The following MTA1 variants were observed in gnomAD, a reference collection of about 807,000 sequenced individuals.
MTA1 encodes the protein metastasis-associated protein MTA1.
In MTA1, 15 loss-of-function variants were observed where a neutral mutation model predicts 97.0. The observed-to-expected ratio is 0.15, with a 90% CI of 0.10 to 0.24. The LOEUF (loss-of-function observed/expected upper bound fraction) is 0.24. Among genes scored for constraint, MTA1 ranks in the 10% least tolerant of loss-of-function variants. The pLI is 1.00. For missense variants in MTA1, 709 were observed against 1,015.1 expected (o/e 0.70, Z 4.10); for synonymous variants, 435 against 417.5 (o/e 1.04, Z -0.51).
chr14:105,470,233 GGCCGCCCCCCGCCCCTC>G lies in MTA1; in HGVS notation c.*22_*38del, dbSNP rs1567053861. 6.6e-7 allele frequency: 1 copy of G among 1,510,040 alleles called. No individual in the cohort carries two copies. The highest frequency in any genetic ancestry group is 2.1e-5 in the Admixed American group (1 of 47,058). 93.5% of individuals were successfully genotyped at this position (1,510,040 alleles called of 1,614,324 possible). On this transcript the variant is annotated 3_prime_UTR_variant, in exon 21 of 21. Coordinates refer to ENST00000331320, the MANE Select transcript of MTA1 (RefSeq NM_004689.4). The stretch of plus-strand genomic sequence containing the variant: ...AGGACTAGGGGCCGCCCCCACCTGC[GGCCGCCCCCCGCCCCTC>G]GCCCGCCCACACGGCCCCTTCCCAG...
At chr14:105,453,575 C>T (rs376230782) in intron 6 of MTA1, among the ~76,000 whole-genome samples, 43 of 152,154 alleles carry the variant, frequency 2.8e-4, no homozygotes, top group African/African-American at 9.2e-4. Flanking sequence ...TTTGGGAGGC[C>T]GAGGCGGGTG....
chr14:105,428,178 C>T (rs1204058193), intron 1 of MTA1, among the ~76,000 whole-genome samples: 1 of 152,100 alleles, frequency 6.6e-6, no homozygotes, highest in African/African-American at 2.4e-5. Context: ...GTAGTCAGCC[C>T]CCTCTTCTCC....
At chr14:105,461,901 G>A (rs1038682400) in intron 10 of MTA1, among the ~76,000 whole-genome samples, 5 of 152,206 alleles carry the variant, frequency 3.3e-5, no homozygotes, top group Admixed American at 6.5e-5. Context: ...ATCTCTCCAG[G>A]CTTAAAAACA....
intron 1 of MTA1, among the ~76,000 whole-genome samples, chr14:105,421,607 G>GC: frequency 6.6e-6 from 1 of 152,316 alleles, no homozygotes. Flanking sequence ...CGGCCTTCAG[G>GC]CCTGCCTGCC....
chr14:105,467,640 T>C, intron 18 of MTA1: 1 of 373,028 alleles, frequency 2.7e-6, no homozygotes, highest in Non-Finnish European at 5.4e-6. Flanking sequence ...CCCTTGGCGG[T>C]GTCTGTGTCT....
Position 105,420,936 on chromosome 14 carries a change from C to A in MTA1, c.28+873C>A, listed in dbSNP as rs1396185730. 2.0e-5 allele frequency among the ~76,000 whole-genome samples: 3 copies of A among 152,208 alleles called. No individual in the cohort carries two copies. The highest frequency in any genetic ancestry group is 4.4e-5 in the Non-Finnish European group (3 of 68,014). ...CCTGTGACCCTCTCGGGCAGGTGCTCATTACCTTTCCCACCTGCAGCCTGC... is the reference window on the plus strand; with the variant it reads ...CCTGTGACCCTCTCGGGCAGGTGCTAATTACCTTTCCCACCTGCAGCCTGC... On this transcript the variant is annotated intron_variant, in intron 1 of 20. Coordinates refer to ENST00000331320, the MANE Select transcript of MTA1 (RefSeq NM_004689.4). The surrounding 1 kb of genome is among the most constrained non-coding windows in gnomAD (Gnocchi z 5.3).
chr14:105,468,354 G>A (rs1555433417), intron 18 of MTA1: 2 of 1,304,232 alleles, frequency 1.5e-6, no homozygotes, highest in East Asian at 5.5e-5. Flanking sequence ...ACCTGGGTAA[G>A]TAGTTTTTGT....
chr14:105,433,918 C>G (rs587643589), intron 1 of MTA1, among the ~76,000 whole-genome samples: 2 of 152,258 alleles, frequency 1.3e-5, no homozygotes, highest in East Asian at 1.9e-4. Context: ...AGCTCCGCCT[C>G]CCAGGTTCAA....
intron 2 of MTA1, among the ~76,000 whole-genome samples, chr14:105,445,012 C>A (rs1281064358): frequency 1.3e-5 from 2 of 152,112 alleles, no homozygotes; most frequent in Non-Finnish European, 2.9e-5. Flanking sequence ...AGGCTGCGTC[C>A]GCCGCTAGGG....
chr14:105,453,529 G>T (rs1371805203), intron 6 of MTA1, among the ~76,000 whole-genome samples: 1 of 152,080 alleles, frequency 6.6e-6, no homozygotes. Flanking sequence ...AAATAAGTCT[G>T]CTGGGCGCAG....
chr14:105,465,319 T>C (rs1252517725), intron 16 of MTA1, 136 bp downstream of exon 16: 4 of 700,468 alleles, frequency 5.7e-6, no homozygotes, highest in African/African-American at 5.5e-5. Flanking sequence ...AACTGTCCTT[T>C]TGGGGTACTC....
At chr14:105,432,004 G>C (rs185363803) in intron 1 of MTA1, among the ~76,000 whole-genome samples, 21 of 152,170 alleles carry the variant, frequency 1.4e-4, no homozygotes, top group Non-Finnish European at 1.5e-5. Context: ...TTGTGGACTT[G>C]ATGTCATCAG....
intron 2 of MTA1, among the ~76,000 whole-genome samples, chr14:105,439,470 C>T (rs1367052731): frequency 3.9e-5 from 6 of 152,204 alleles, no homozygotes; most frequent in Non-Finnish European, 7.3e-5. Context: ...GCACAGCCTC[C>T]GTCCCATCAG....
chr14:105,467,811 G>A (rs1435180234), intron 18 of MTA1: 2 of 264,208 alleles, frequency 7.6e-6, no homozygotes, highest in Non-Finnish European at 1.5e-5. Flanking sequence ...CCCCATAAGA[G>A]CTGGTAGAAA....
At chr14:105,466,218 G>C (rs1245029649) in intron 16 of MTA1, 1 of 595,488 alleles carries the variant, frequency 1.7e-6, no homozygotes, top group African/African-American at 1.9e-5. Context: ...GGACTGGCCC[G>C]GGCACACGCC....
chr14:105,449,400 G>T lies in MTA1; in HGVS notation c.232G>T (p.Gly78Cys), dbSNP rs782756415. Reference protein sequence around the residue: ...CYKAGPGADNGEEGEIEEEME... With the variant: ...CYKAGPGADNCEEGEIEEEME... The stretch of plus-strand genomic sequence containing the variant: ...TAAGGCCGGACCGGGGGCGGACAAC[G>T]GCGAGGAAGGTAAGAGCCGGCCTCC... The change falls in exon 4 of 21, where the codon GGC (glycine) becomes TGC (cysteine). Residue 78 changes from glycine to cysteine, a missense_variant. Physicochemically the swap from Gly to Cys is radical, Grantham distance 159. This residue lies in a region of MTA1 where 321 missense variants were observed against 593.5 expected (regional missense o/e 0.54). Coordinates refer to ENST00000331320, the MANE Select transcript of MTA1 (RefSeq NM_004689.4). 5.0e-6 allele frequency: 8 copies of T among 1,611,888 alleles called. No individual in the cohort carries two copies. In the East Asian group the frequency reaches 1.8e-4, roughly 36 times the overall value.
intron 3 of MTA1, among the ~76,000 whole-genome samples, chr14:105,448,235 C>T (rs890457466): frequency 2.1e-4 from 32 of 152,132 alleles, no homozygotes; most frequent in Non-Finnish European, 2.9e-4. Flanking sequence ...AGGGAGGGTT[C>T]AGAGTGTGAG....
chr14:105,429,250 G>T (rs1471510740), intron 1 of MTA1, among the ~76,000 whole-genome samples: 1 of 152,070 alleles, frequency 6.6e-6, no homozygotes, highest in African/African-American at 2.4e-5. Context: ...TACTAAGGCC[G>T]TTCAGCTGTC....
chr14:105,440,945 A>G (rs782787166), intron 2 of MTA1, among the ~76,000 whole-genome samples: 2 of 152,218 alleles, frequency 1.3e-5, no homozygotes, highest in Non-Finnish European at 2.9e-5. Flanking sequence ...CTCTGCACCC[A>G]CAGGGCAAGG....
Sources: allele counts gnomAD v4.1 joint callset (sites outside exome capture counted in the v4.1 genomes callset), GRCh38; gene constraint gnomAD v4.1.1; regional missense constraint gnomAD v4.1.1; non-coding constraint Gnocchi (gnomAD v3.1); transcripts MANE v1.5; gene names NCBI Gene and HGNC (gene_info 2026-07-23, HGNC 2026-07-21).